BANF2: variants seen among roughly 807,000 people sequenced by gnomAD.
BANF2 encodes BANF family member 2.
A neutral mutation model predicts 8.0 loss-of-function variants in BANF2; 4 were observed. The ratio of observed to expected loss-of-function variants is 0.50; its 90% CI spans 0.25 to 1.14. The LOEUF is 1.14. BANF2 is among the 50% of genes most tolerant of loss of function. The pLI is 0.16. For missense variants in BANF2, 96 were observed against 107.5 expected (o/e 0.89, Z 0.47); for synonymous variants, 50 against 40.6 (o/e 1.23, Z -0.88).
At chr20:17,695,812 C>T (rs1476643572), upstream of BANF2, among the ~76,000 whole-genome samples, 1 of 152,152 alleles carries the variant, frequency 6.6e-6, no homozygotes, top group Non-Finnish European at 1.5e-5. Context: ...CATGGAGTTA[C>T]CTGTGCCATT....
intron 3 of BANF2, among the ~76,000 whole-genome samples, chr20:17,726,795 T>C (rs1412622771): frequency 1.3e-5 from 2 of 152,264 alleles, no homozygotes; most frequent in East Asian, 3.8e-4. Flanking sequence ...GTTGTTCAGC[T>C]ATACTCATTA....
At chr20:17,735,363 A>G (rs576989989) in intron 3 of BANF2, among the ~76,000 whole-genome samples, 2 of 152,256 alleles carry the variant, frequency 1.3e-5, no homozygotes, top group South Asian at 4.1e-4. Flanking sequence ...CAGAACCCGC[A>G]TTTTAACAAG....
intron 3 of BANF2, among the ~76,000 whole-genome samples, chr20:17,734,444 G>A (rs770240159): frequency 3.9e-5 from 6 of 152,294 alleles, no homozygotes; most frequent in African/African-American, 7.2e-5. Flanking sequence ...AGAGCACACC[G>A]TGTGCATTAG....
intron 3 of BANF2, among the ~76,000 whole-genome samples, chr20:17,732,278 G>A (rs1411536291): frequency 6.6e-6 from 1 of 152,232 alleles, no homozygotes; most frequent in Non-Finnish European, 1.5e-5. Context: ...ACTGGAGGGT[G>A]ATTCCTCCCC....
chr20:17,708,856 C>T (rs1479654918), intron 1 of BANF2, among the ~76,000 whole-genome samples: 1 of 152,178 alleles, frequency 6.6e-6, no homozygotes, highest in Non-Finnish European at 1.5e-5. Context: ...GGCCCAGAAA[C>T]AGATTCTTTT....
At chr20:17,717,474 A>T (rs2122610635) in intron 1 of BANF2, among the ~76,000 whole-genome samples, 1 of 152,298 alleles carries the variant, frequency 6.6e-6, no homozygotes, top group African/African-American at 2.4e-5. Flanking sequence ...TAAAAGTAGA[A>T]ACAGAAAATG....
At chr20:17,732,922 C>T (rs569808253) in intron 3 of BANF2, among the ~76,000 whole-genome samples, 29 of 152,278 alleles carry the variant, frequency 1.9e-4, no homozygotes, top group East Asian at 3.9e-4. Flanking sequence ...TGGGAGCCCA[C>T]GACTCCAGCT....
chr20:17,735,109 GAAAGAAAAGA>G, intron 3 of BANF2, among the ~76,000 whole-genome samples: 1 of 152,046 alleles, frequency 6.6e-6, no homozygotes, highest in East Asian at 1.9e-4. Context: ...ACAAATAAAA[GAAAGAAAAGA>G]AAAGAGAAGA....
At chr20:17,710,094 G>C (rs2037547085) in intron 1 of BANF2, among the ~76,000 whole-genome samples, 2 of 152,202 alleles carry the variant, frequency 1.3e-5, no homozygotes, top group South Asian at 4.1e-4. Flanking sequence ...CCCCAGAGCT[G>C]TGCCACCTGA....
chr20:17,729,459 G>A (rs1186348689), intron 3 of BANF2, among the ~76,000 whole-genome samples: 1 of 152,192 alleles, frequency 6.6e-6, no homozygotes, highest in Non-Finnish European at 1.5e-5. Context: ...GACTCTAGCT[G>A]GGCACGGTGG....
intron 3 of BANF2, among the ~76,000 whole-genome samples, chr20:17,728,223 G>A (rs933285825): frequency 1.3e-5 from 2 of 152,124 alleles, no homozygotes; most frequent in East Asian, 1.9e-4. Context: ...CTTGGGTTCC[G>A]CCCTTGCTTG....
intron 1 of BANF2, among the ~76,000 whole-genome samples, chr20:17,704,025 GA>G (rs1204563956): frequency 6.6e-6 from 1 of 152,214 alleles, no homozygotes; most frequent in Non-Finnish European, 1.5e-5. Flanking sequence ...TTACAGGTGT[GA>G]ACCACTGTCC....
At chr20:17,729,737 A>G (rs528501072) in intron 3 of BANF2, among the ~76,000 whole-genome samples, 7 of 152,334 alleles carry the variant, frequency 4.6e-5, no homozygotes, top group Admixed American at 1.3e-4. Flanking sequence ...CTCTGTCTCA[A>G]AAAAGAAAAA....
At chr20:17,696,158 G>A (rs1302690978), upstream of BANF2, among the ~76,000 whole-genome samples, 2 of 152,030 alleles carry the variant, frequency 1.3e-5, no homozygotes, top group African/African-American at 4.8e-5. Context: ...ATCTTTTTAT[G>A]GACATGTTTT....
At chr20:17,726,018 C>G (rs2037804729) in intron 3 of BANF2, among the ~76,000 whole-genome samples, 1 of 152,150 alleles carries the variant, frequency 6.6e-6, no homozygotes, top group Admixed American at 6.6e-5. Flanking sequence ...GGTAAATACT[C>G]AGAATAACAC....
At chr20:17,726,166 A>G in intron 3 of BANF2, among the ~76,000 whole-genome samples, 1 of 152,066 alleles carries the variant, frequency 6.6e-6, no homozygotes, top group Admixed American at 6.6e-5. Context: ...TAAATGAAAA[A>G]ATTTTTGTAC....
chr20:17,735,130 A>T (rs1173342691), intron 3 of BANF2, among the ~76,000 whole-genome samples: 5 of 146,986 alleles, frequency 3.4e-5, no homozygotes, highest in African/African-American at 1.1e-4. Flanking sequence ...AAAGAGAAGA[A>T]AAGAAAAGAA....
rs1256251082 is a variant in BANF2 at position 17,694,599 on chromosome 20, C to CTTTTTTTTTT, written c.18+894_18+895insTTTTTTTTTT. Among the ~76,000 whole-genome samples, 190 of 82,738 alleles carry CTTTTTTTTTT rather than the reference C, an allele frequency of 2.3e-3. 9 individuals are homozygous for CTTTTTTTTTT. Among genetic ancestry groups the CTTTTTTTTTT allele is most frequent in the Non-Finnish European group, 2.9e-3 (132 of 46,148 alleles). The allele number at this position is 82,738 out of a possible 152,430, so 54.3% of individuals were successfully genotyped here. On this transcript the variant is annotated intron_variant, in intron 1 of 2. Coordinates refer to the BANF2 transcript ENST00000545418. The stretch of plus-strand genomic sequence containing the variant: ...AGGGGGCTATTTTTGTTTTTTCTCT[C>CTTTTTTTTTT]TCTTTTTTTTTTTTTTTTTTTTTTT...
intron 1 of BANF2, 118 bp from the exon 2 acceptor site, chr20:17,722,598 A>G: frequency 3.0e-5 from 11 of 362,698 alleles, no homozygotes; most frequent in Non-Finnish European, 4.2e-5. Flanking sequence ...GAAGAGTGAG[A>G]TTCCTATTTA....
Sources: gnomAD v4.1 joint callset for allele counts (sites outside exome capture counted in the v4.1 genomes callset) on GRCh38, gnomAD v4.1.1 for gene constraint, MANE v1.5 for transcripts, NCBI Gene and HGNC (gene_info 2026-07-23, HGNC 2026-07-21) for gene names.